ASH1L: variants seen among roughly 807,000 people sequenced by gnomAD.
ASH1L encodes ASH1 like histone lysine methyltransferase.
ASH1L carries 23 observed loss-of-function variants against 269.0 expected under a neutral mutation model. The ratio of observed to expected loss-of-function variants is 0.09; its 90% CI spans 0.06 to 0.12. ASH1L has a LOEUF of 0.12. Ranked by LOEUF, ASH1L falls within the 10% of genes least tolerant of loss-of-function variation. ASH1L has a pLI of 1.00. For missense variants in ASH1L, 2,912 were observed against 3,567.8 expected, an observed-to-expected ratio of 0.82 and a Z score of 4.68; for synonymous variants, 1,187 against 1,253.5, an observed-to-expected ratio of 0.95 and a Z score of 1.12.
At chr1:155,370,229 C>A in intron 12 of ASH1L, 2 of 444,014 alleles carry the variant, frequency 4.5e-6, no homozygotes. Context: ...TTATATTTTT[C>A]TAGGACATAG....
At chr1:155,437,243 C>T (rs1423554869) in intron 5 of ASH1L, among the ~76,000 whole-genome samples, 1 of 152,094 alleles carries the variant, frequency 6.6e-6, no homozygotes, top group East Asian at 1.9e-4. Context: ...TTGAGAACTG[C>T]TAAAACTCAA....
At position 155,562,215 on chromosome 1, in the gene ASH1L, G is replaced by A. The variant is rs559288360; in HGVS notation, c.-162C>T. ...AGTGCAGGGAAGTGGGGAAGAGGGG[G>A]TGGCCGCCAGGCTCCTCCGCTTCCC... On this transcript the variant is annotated 5_prime_UTR_variant, in exon 1 of 28. Coordinates refer to ENST00000392403, the MANE Select transcript of ASH1L (RefSeq NM_018489.3). The A allele has an allele frequency of 1.2e-5, 19 of 1,609,486 alleles. No homozygotes were observed. Among genetic ancestry groups the A allele is most frequent in the African/African-American group, 8.0e-5 (6 of 74,984 alleles).
chr1:155,551,387 G>A (rs1163527257), intron 1 of ASH1L, among the ~76,000 whole-genome samples: 3 of 152,074 alleles, frequency 2.0e-5, no homozygotes, highest in African/African-American at 7.2e-5. Flanking sequence ...ACGGCCGGGC[G>A]CAGTGGCTCA....
At chr1:155,403,237 T>C (rs965854579) in intron 6 of ASH1L, among the ~76,000 whole-genome samples, 1 of 151,644 alleles carries the variant, frequency 6.6e-6, no homozygotes, top group African/African-American at 2.4e-5. Flanking sequence ...CCCAGCCTTT[T>C]GGAGGTTGCA....
At chr1:155,487,305 T>G (rs555793955) in intron 2 of ASH1L, among the ~76,000 whole-genome samples, 3 of 152,164 alleles carry the variant, frequency 2.0e-5, no homozygotes, top group East Asian at 1.9e-4. Flanking sequence ...ATAAAAAAAA[T>G]TATTACTCAT....
chr1:155,534,154 A>C (rs963935111), intron 1 of ASH1L, among the ~76,000 whole-genome samples: 1 of 151,028 alleles, frequency 6.6e-6, no homozygotes, highest in Non-Finnish European at 1.5e-5. Flanking sequence ...CACGCTGGAA[A>C]CAGGCCGAGA....
intron 7 of ASH1L, among the ~76,000 whole-genome samples, chr1:155,385,267 AC>A (rs1164659604): frequency 6.6e-6 from 1 of 151,860 alleles, no homozygotes; most frequent in African/African-American, 2.4e-5. Context: ...ACGTGGTAAA[AC>A]CCCGTCTTTA....
At chr1:155,357,500 C>T in intron 14 of ASH1L, 85 bp downstream of exon 14, 2 of 1,596,830 alleles carry the variant, frequency 1.3e-6, no homozygotes, top group Non-Finnish European at 8.6e-7. Context: ...TAAGATGCCA[C>T]CCTCTGGTAA....
At chr1:155,421,230 TAAAAAA>T (rs67434918) in intron 5 of ASH1L, among the ~76,000 whole-genome samples, 1 of 95,690 alleles carries the variant, frequency 1.0e-5, no homozygotes, top group African/African-American at 4.0e-5. Context: ...TTCTGTGTCT[TAAAAAA>T]AAAAAAAAAA....
intron 6 of ASH1L, among the ~76,000 whole-genome samples, chr1:155,407,079 C>G (rs1414768312): frequency 6.6e-6 from 1 of 152,018 alleles, no homozygotes; most frequent in Non-Finnish European, 1.5e-5. Context: ...AAAAATTAGC[C>G]AGGCGTGGTG....
In ASH1L at chr1:155,400,318, C is replaced by G. The variant is rs113182911; in HGVS notation, c.6009-4765G>C. Among the ~76,000 whole-genome samples the G allele has an allele frequency of 4.6e-3, 670 of 146,512 alleles. 6 individuals are homozygous for G. The highest frequency in any genetic ancestry group is 0.042 in the South Asian group (194 of 4,666). On this transcript the variant is annotated intron_variant, in intron 6 of 27. Coordinates refer to ENST00000392403, the MANE Select transcript of ASH1L (RefSeq NM_018489.3). ...CTGCAATCCAGCCTGGGTGATAGAG[C>G]GAGACTGTCTCAAAAAAAAAAAAAA...
chr1:155,386,194 A>C (rs987614114), intron 7 of ASH1L, among the ~76,000 whole-genome samples: 2 of 151,696 alleles, frequency 1.3e-5, no homozygotes, highest in Non-Finnish European at 2.9e-5. Context: ...CAGCCTCCCA[A>C]GTAGCTGGGA....
At chr1:155,552,973 C>A (rs949372190) in intron 1 of ASH1L, among the ~76,000 whole-genome samples, 1 of 152,106 alleles carries the variant, frequency 6.6e-6, no homozygotes, top group Non-Finnish European at 1.5e-5. Flanking sequence ...AATCCGCCAA[C>A]TCTATGCTAT....
rs563974676 is a variant in ASH1L, at chr1:155,401,143, A to G, written c.6009-5590T>C. ...GCCACTGCACGCCAGCCAGGGTGAC[A>G]GAGTGAGACTCTCTGTCTCAAAAAA... On this transcript the variant is annotated intron_variant, in intron 6 of 27. Coordinates refer to ENST00000392403, the MANE Select transcript of ASH1L (RefSeq NM_018489.3). 6.1e-3 allele frequency among the ~76,000 whole-genome samples: 932 copies of G among 151,934 alleles called. 10 individuals are homozygous for G. Among genetic ancestry groups the G allele is most frequent in the African/African-American group, 0.022 (907 of 41,418 alleles).
intron 2 of ASH1L, among the ~76,000 whole-genome samples, chr1:155,504,454 C>A (rs537398444): frequency 3.1e-4 from 47 of 152,144 alleles, no homozygotes; most frequent in African/African-American, 1.1e-3. Flanking sequence ...CGAATCTGCC[C>A]CAATATTATA....
At chr1:155,550,580 A>C (rs1459946099) in intron 1 of ASH1L, among the ~76,000 whole-genome samples, 1 of 152,156 alleles carries the variant, frequency 6.6e-6, no homozygotes, top group East Asian at 1.9e-4. Flanking sequence ...CTCATGCCCC[A>C]GATAGTTGCA....
chr1:155,562,132 G>T, intron 1 of ASH1L, 21 bp downstream of exon 1: 2 of 1,478,104 alleles, frequency 1.4e-6, no homozygotes, highest in African/African-American at 1.4e-5. Context: ...CCCGAATGCC[G>T]GCCCAAATCG....
At chr1:155,341,334 A>G (rs967974200) in intron 25 of ASH1L, among the ~76,000 whole-genome samples, 10 of 152,010 alleles carry the variant, frequency 6.6e-5, no homozygotes, top group Admixed American at 4.6e-4. Context: ...CTGCCACCAC[A>G]CCTGGCTAAT....
chr1:155,370,331 G>T, intron 12 of ASH1L, 173 bp downstream of exon 12: 1 of 740,420 alleles, frequency 1.4e-6, no homozygotes, highest in Non-Finnish European at 2.2e-6. Context: ...CTGTCTGGGA[G>T]TGAGAAGTTA....
Sources: gnomAD v4.1 joint callset for allele counts (sites outside exome capture counted in the v4.1 genomes callset) on GRCh38, gnomAD v4.1.1 for gene constraint, MANE v1.5 for transcripts, NCBI Gene and HGNC (gene_info 2026-07-23, HGNC 2026-07-21) for gene names.